Variants in CDR2 observed in about 807,000 individuals in gnomAD.
CDR2 encodes the protein cerebellar degeneration related protein 2, also known as cerebellar degeneration-related protein 2.
CDR2 carries 34 observed loss-of-function variants against 48.4 expected under a neutral mutation model. That is an observed-to-expected ratio of 0.70 (90% CI 0.53 to 0.94). The LOEUF is 0.94. Among genes scored for constraint, CDR2 ranks in the 40% least tolerant of loss-of-function variants. The probability of loss-of-function intolerance (pLI) is 0.00; values close to 1 mark genes in which losing one functional copy is unlikely to be tolerated. For synonymous variants in CDR2, 240 were observed against 219.7 expected (o/e 1.09, Z -0.82); for missense variants, 498 against 549.5 (o/e 0.91, Z 0.94).
chr16:22,353,674 A>C (rs534959361), intron 2 of CDR2, among the ~76,000 whole-genome samples: 1 of 152,254 alleles, frequency 6.6e-6, no homozygotes, highest in African/African-American at 2.4e-5. Context: ...CCTTCCCACA[A>C]GTTCTGCCCC....
intron 2 of CDR2, among the ~76,000 whole-genome samples, chr16:22,350,189 CAAA>C (rs958486409): frequency 7.3e-6 from 1 of 136,232 alleles, no homozygotes; most frequent in Admixed American, 7.4e-5. Context: ...AACTCCATCT[CAAA>C]AAAAAAAAAA....
At chr16:22,356,886 A>G (rs920346579) in intron 2 of CDR2, among the ~76,000 whole-genome samples, 2 of 147,494 alleles carry the variant, frequency 1.4e-5, no homozygotes, top group Admixed American at 6.8e-5. Context: ...AGTTGCAGTG[A>G]GCCAAGATCA....
At chr16:22,365,820 T>C (rs1598296088) in intron 1 of CDR2, among the ~76,000 whole-genome samples, 2 of 152,216 alleles carry the variant, frequency 1.3e-5, no homozygotes, top group East Asian at 1.9e-4. Flanking sequence ...CTTCTTTGCA[T>C]AGTAAATCTT....
In CDR2 at chr16:22,365,138, G is replaced by A. The variant is rs750080735; in HGVS notation, c.80-124C>T. On this transcript the variant is annotated intron_variant, in intron 1 of 4. Coordinates refer to ENST00000268383, the MANE Select transcript of CDR2 (RefSeq NM_001802.2). ...TCCCAATGGAAGGTGGAGTGGCACA[G>A]AAGGAAACCCGAGTTCTACTTAAAA... is the stretch of plus-strand genomic sequence containing the variant. 1.4e-5 allele frequency: 9 copies of A among 639,140 alleles called. No homozygotes were observed. In the Admixed American group the frequency reaches 2.1e-4, roughly 15 times the overall value. 39.6% of individuals were successfully genotyped at this position (639,140 alleles called of 1,614,324 possible).
At chr16:22,359,665 C>T (rs965255366) in intron 2 of CDR2, among the ~76,000 whole-genome samples, 1 of 152,110 alleles carries the variant, frequency 6.6e-6, no homozygotes, top group African/African-American at 2.4e-5. Flanking sequence ...ATTCATATGT[C>T]TAAATTCTCT....
intron 2 of CDR2, among the ~76,000 whole-genome samples, chr16:22,358,931 T>C (rs928606721): frequency 4.6e-5 from 7 of 152,212 alleles, no homozygotes; most frequent in Non-Finnish European, 8.8e-5. Context: ...AATATCTTAT[T>C]GTATACTTCA....
chr16:22,352,955 T>C (rs76939095), intron 2 of CDR2, among the ~76,000 whole-genome samples: 2,595 of 152,244 alleles, frequency 0.017, 96 homozygotes, highest in East Asian at 0.1. Context: ...AATTCCATAG[T>C]AGGTTCTTGT....
intron 4 of CDR2, 105 bp from the exon 5 acceptor site, chr16:22,347,928 C>T: frequency 5.4e-6 from 6 of 1,106,758 alleles, no homozygotes; most frequent in South Asian, 3.2e-5. Context: ...GGAGCTGTGA[C>T]AGTGACTAAT....
chr16:22,347,239 A>G lies in CDR2; in HGVS notation c.1091T>C (p.Leu364Pro). ...SALKVKYEELLKKCQEEQDSL... is the reference protein window; with the variant it reads ...SALKVKYEELPKKCQEEQDSL... ...GTCCTGTTCCTCTTGGCACTTCTTC[A>G]GCAACTCTTCATACTTCACCTTCAG... Residue 364 changes from leucine (L) to proline (P), a missense_variant, in exon 5 of 5, where the codon CTG becomes CCG. By Grantham distance (98) the Leu-to-Pro change is moderately conservative. Transcript: ENST00000268383. The G allele has an allele frequency of 6.2e-7, 1 of 1,614,182 alleles. No homozygotes were observed. Among genetic ancestry groups the G allele is most frequent in the Non-Finnish European group, 8.5e-7 (1 of 1,180,040 alleles).
chr16:22,366,037 C>G (rs909380238), intron 1 of CDR2, among the ~76,000 whole-genome samples: 1 of 152,156 alleles, frequency 6.6e-6, no homozygotes, highest in African/African-American at 2.4e-5. Flanking sequence ...ACTTTACAAA[C>G]TAAGTTGCAA....
At chr16:22,370,060 T>C (rs1288039261) in intron 1 of CDR2, among the ~76,000 whole-genome samples, 1 of 152,214 alleles carries the variant, frequency 6.6e-6, no homozygotes, top group East Asian at 1.9e-4. Context: ...AATGAGTCTT[T>C]GCAGGTAATA....
intron 4 of CDR2, among the ~76,000 whole-genome samples, chr16:22,348,456 A>G (rs2141842231): frequency 6.6e-6 from 1 of 152,318 alleles, no homozygotes; most frequent in South Asian, 2.1e-4. Flanking sequence ...ATTCCAACCT[A>G]GTTGGTCTGC....
intron 4 of CDR2, 139 bp from the exon 5 acceptor site, chr16:22,347,962 G>A (rs900318362): frequency 3.5e-5 from 28 of 806,262 alleles, no homozygotes; most frequent in Middle Eastern, 6.8e-4. Flanking sequence ...TTTTTGAGAC[G>A]GAGTCTCACT....
chr16:22,353,575 C>T (rs2141845270), intron 2 of CDR2, among the ~76,000 whole-genome samples: 1 of 152,264 alleles, frequency 6.6e-6, no homozygotes, highest in Admixed American at 6.5e-5. Context: ...TAACCACTAA[C>T]AACTTTAGAC....
At chr16:22,363,217 C>A (rs1208028917) in intron 2 of CDR2, among the ~76,000 whole-genome samples, 3 of 152,192 alleles carry the variant, frequency 2.0e-5, no homozygotes, top group African/African-American at 7.2e-5. Context: ...GCTGGGATTA[C>A]AGGCTTGAGC....
rs191980279 is a variant in CDR2, at chr16:22,349,832, C to T, written c.210G>A (p.Val70=). 69 of 1,614,086 alleles carry T rather than the reference C, an allele frequency of 4.3e-5. No individual in the cohort carries two copies. The highest frequency in any genetic ancestry group is 5.4e-5 in the Non-Finnish European group (64 of 1,179,952). The change falls in exon 3 of 5, where the codon GTG becomes GTA. Residue 70 remains valine (V), a synonymous_variant. Transcript: ENST00000268383. ...LQEIEYLTKQ[V]ELLRQMNEQH... is the part of the protein sequence containing the mutation. ...GTTCGTTCATCTGCCGTAGAAGTTC[C>T]ACTTGCTTCGTCAGATACTGTAAGA... is the stretch of plus-strand genomic sequence containing the variant.
At chr16:22,357,527 T>G (rs2048983087) in intron 2 of CDR2, among the ~76,000 whole-genome samples, 1 of 152,252 alleles carries the variant, frequency 6.6e-6, no homozygotes, top group Admixed American at 6.5e-5. Context: ...TGAAAGGTTT[T>G]GAGAAGGGCT....
At position 22,357,300 on chromosome 16, in the gene CDR2, C is replaced by T. The variant is rs546983970; in HGVS notation, c.193-7451G>A. 2.0e-5 allele frequency among the ~76,000 whole-genome samples: 3 copies of T among 152,268 alleles called. No homozygotes were observed. In the South Asian group the frequency reaches 6.2e-4, roughly 32 times the overall value. On this transcript the variant is annotated intron_variant, in intron 2 of 4. Coordinates refer to ENST00000268383, the MANE Select transcript of CDR2 (RefSeq NM_001802.2). ...CTGACCTCAGGAGATCCACCTGACT[C>T]GGCCTGCCAAAGTGAAGGGATTACA...
Position 22,346,845 on chromosome 16 carries a change from G to T in CDR2, c.*120C>A. 1 of 1,120,140 alleles carries T rather than the reference G, an allele frequency of 8.9e-7. No individual in the cohort carries two copies. The highest frequency in any genetic ancestry group is 1.3e-6 in the Non-Finnish European group (1 of 773,980). 69.4% of individuals were successfully genotyped at this position (1,120,140 alleles called of 1,614,324 possible). A position where few individuals can be genotyped will look rare whatever the true frequency, so the allele number is the denominator to read the frequency against. On this transcript the variant is annotated 3_prime_UTR_variant, in exon 5 of 5. Transcript: ENST00000268383. ...CTCGTTGTATGCATTTGCTAAATAAGCAAAGCAATGAGGCAAACGTCATGA... is the reference window on the plus strand; with the variant it reads ...CTCGTTGTATGCATTTGCTAAATAATCAAAGCAATGAGGCAAACGTCATGA...
Sources: allele counts gnomAD v4.1 joint callset (sites outside exome capture counted in the v4.1 genomes callset), GRCh38; gene constraint gnomAD v4.1.1; transcripts MANE v1.5; gene names NCBI Gene and HGNC (gene_info 2026-07-23, HGNC 2026-07-21).